GPC6: variants seen among roughly 807,000 people sequenced by gnomAD.
GPC6 encodes glypican 6.
Under a neutral mutation model 55.2 loss-of-function variants are expected in GPC6, and 14 were observed. The ratio of observed to expected loss-of-function variants is 0.25; its 90% CI spans 0.17 to 0.40. The LOEUF is 0.40. Ranked by LOEUF, GPC6 falls within the 10% of genes least tolerant of loss-of-function variation. The pLI is 1.00. For synonymous variants in GPC6, 278 were observed against 259.6 expected (o/e 1.07, Z -0.68); for missense variants, 641 against 708.5 (o/e 0.90, Z 1.08).
intron 4 of GPC6, among the ~76,000 whole-genome samples, chr13:94,257,552 G>A (rs1891542085): frequency 6.6e-6 from 1 of 152,068 alleles, no homozygotes; most frequent in African/African-American, 2.4e-5. Flanking sequence ...ATTTCTGTCA[G>A]ACAACCAGCT....
At chr13:93,745,582 G>T (rs1214912198) in intron 2 of GPC6, among the ~76,000 whole-genome samples, 1 of 152,152 alleles carries the variant, frequency 6.6e-6, no homozygotes, top group African/African-American at 2.4e-5. Context: ...TTACAATGGT[G>T]CAAAAGTGGT....
chr13:93,959,759 T>G (rs1336019337), intron 3 of GPC6, among the ~76,000 whole-genome samples: 1 of 152,170 alleles, frequency 6.6e-6, no homozygotes, highest in East Asian at 1.9e-4. Flanking sequence ...TTCTAATTAT[T>G]TTATAGGTAT....
At chr13:93,492,037 G>A (rs1403838775) in intron 1 of GPC6, among the ~76,000 whole-genome samples, 1 of 141,516 alleles carries the variant, frequency 7.1e-6, no homozygotes, top group Non-Finnish European at 1.5e-5. Flanking sequence ...CTTTAAAGTA[G>A]TTTTTTCCAA....
In GPC6 at chr13:94,028,273, A is replaced by C. The variant is rs558892690; in HGVS notation, c.877+379A>C. Among the ~76,000 whole-genome samples, 383 of 152,260 alleles carry C rather than the reference A, an allele frequency of 2.5e-3. 1 individual carries two copies. The highest frequency in any genetic ancestry group is 8.9e-3 in the African/African-American group (369 of 41,552). ...GAGTGGGACCCTGTCTCAAAAAAAA[A>C]AAATGTTATGATGACTTTTAGAGAC... is the stretch of plus-strand genomic sequence containing the variant. On this transcript the variant is annotated intron_variant, in intron 4 of 8. Transcript: ENST00000377047.
At chr13:93,342,671 T>C (rs1555292359) in intron 1 of GPC6, among the ~76,000 whole-genome samples, 1 of 152,174 alleles carries the variant, frequency 6.6e-6, no homozygotes, top group Admixed American at 6.5e-5. Context: ...ACTAGTATAG[T>C]GATAACAGTC....
chr13:93,690,585 G>A (rs977832428), intron 2 of GPC6, among the ~76,000 whole-genome samples: 3 of 151,456 alleles, frequency 2.0e-5, no homozygotes, highest in Non-Finnish European at 2.9e-5. Context: ...TCCCAAGAAC[G>A]TCATTCTTTT....
chr13:93,840,513 T>C (rs1465232673), intron 3 of GPC6, among the ~76,000 whole-genome samples: 2 of 151,890 alleles, frequency 1.3e-5, no homozygotes, highest in Non-Finnish European at 2.9e-5. Context: ...AGAATAATGC[T>C]AAAAACAGGA....
chr13:93,227,418 G>T lies in GPC6; in HGVS notation c.-39G>T, dbSNP rs1157974098. On this transcript the variant is annotated 5_prime_UTR_variant, in exon 1 of 9. Transcript: ENST00000377047. The surrounding 1 kb of genome is among the most constrained non-coding windows in gnomAD (Gnocchi z 4.3). ...TGAGGGGCAAGGTGAAGAGCGCACC[G>T]GCCGTGGGGTTTACCGAGCTGGATT... The T allele has an allele frequency of 3.1e-6, 5 of 1,608,278 alleles. No individual in the cohort carries two copies. The highest frequency in any genetic ancestry group is 1.3e-5 in the African/African-American group (1 of 74,948).
At chr13:94,081,822 G>T (rs999201156) in intron 4 of GPC6, among the ~76,000 whole-genome samples, 10 of 147,700 alleles carry the variant, frequency 6.8e-5, no homozygotes, top group African/African-American at 2.5e-5. Flanking sequence ...ACTACTCCAT[G>T]TCTATGCCTT....
At chr13:94,228,126 A>G (rs950931354) in intron 4 of GPC6, among the ~76,000 whole-genome samples, 4 of 152,194 alleles carry the variant, frequency 2.6e-5, no homozygotes, top group African/African-American at 9.6e-5. Flanking sequence ...CTTAAGCTGC[A>G]TTGTAGAAAC....
At chr13:93,677,536 A>G (rs1465188183) in intron 2 of GPC6, among the ~76,000 whole-genome samples, 2 of 152,138 alleles carry the variant, frequency 1.3e-5, no homozygotes, top group East Asian at 3.9e-4. Context: ...GACTAAAGAT[A>G]TTGGCAATCT....
intron 3 of GPC6, among the ~76,000 whole-genome samples, chr13:93,890,239 T>C (rs1368863934): frequency 1.3e-5 from 2 of 152,118 alleles, no homozygotes; most frequent in African/African-American, 4.8e-5. Context: ...TCCAAACCAC[T>C]AGGATGCTTT....
At chr13:94,099,036 G>C (rs148951305) in intron 4 of GPC6, among the ~76,000 whole-genome samples, 262 of 152,190 alleles carry the variant, frequency 1.7e-3, no homozygotes, top group African/African-American at 6.1e-3. Context: ...CAAGTGAGGA[G>C]AGAATTGATT....
At chr13:94,054,693 G>A (rs1246067572) in intron 4 of GPC6, among the ~76,000 whole-genome samples, 1 of 152,122 alleles carries the variant, frequency 6.6e-6, no homozygotes, top group Non-Finnish European at 1.5e-5. Context: ...TCTAATCCAC[G>A]TGGCTCACAA....
intron 6 of GPC6, among the ~76,000 whole-genome samples, chr13:94,351,639 C>T (rs1443577022): frequency 1.3e-5 from 2 of 152,010 alleles, no homozygotes; most frequent in African/African-American, 4.8e-5. Context: ...GCTAATTACC[C>T]ACAGCTCTGG....
chr13:94,082,583 C>T (rs951688323), intron 4 of GPC6, among the ~76,000 whole-genome samples: 6 of 152,166 alleles, frequency 3.9e-5, no homozygotes, highest in African/African-American at 1.4e-4. Flanking sequence ...AAAGACATAA[C>T]TTCACCACCC....
chr13:93,714,381 AG>A (rs1457894198), intron 2 of GPC6, among the ~76,000 whole-genome samples: 1 of 151,954 alleles, frequency 6.6e-6, no homozygotes. Flanking sequence ...AACCACAATG[AG>A]ATACCATCTC....
At chr13:94,118,621 T>A (rs1886518002) in intron 4 of GPC6, among the ~76,000 whole-genome samples, 1 of 152,118 alleles carries the variant, frequency 6.6e-6, no homozygotes. Context: ...ATGTCTTGTG[T>A]CCCTGTTCAG....
At chr13:94,266,033 C>G (rs9561526) in intron 4 of GPC6, among the ~76,000 whole-genome samples, 1 of 152,110 alleles carries the variant, frequency 6.6e-6, no homozygotes, top group Admixed American at 6.5e-5. Context: ...TGGATGTTTC[C>G]GCTAGGTGTC....
Sources: allele counts gnomAD v4.1 joint callset (sites outside exome capture counted in the v4.1 genomes callset), GRCh38; gene constraint gnomAD v4.1.1; non-coding constraint Gnocchi (gnomAD v3.1); transcripts MANE v1.5; gene names NCBI Gene and HGNC (gene_info 2026-07-23, HGNC 2026-07-21).